Variants in NR1D2 observed in about 807,000 individuals in gnomAD.
NR1D2 encodes the protein V-erbA-related protein 1-related.
NR1D2 carries 25 observed loss-of-function variants against 52.2 expected under a neutral mutation model. The observed-to-expected ratio is 0.48, with a 90% CI of 0.35 to 0.67. NR1D2 has a LOEUF of 0.67. Ranked by LOEUF, NR1D2 falls within the 30% of genes least tolerant of loss-of-function variation. The pLI, the probability that NR1D2 is intolerant of heterozygous loss-of-function variation, is 0.01. For synonymous variants in NR1D2, 259 were observed against 230.1 expected (o/e 1.13, Z -1.14); for missense variants, 681 against 707.2 (o/e 0.96, Z 0.42).
At chr3:23,947,542 C>T (rs1303274460) in intron 1 of NR1D2, among the ~76,000 whole-genome samples, 2 of 152,178 alleles carry the variant, frequency 1.3e-5, no homozygotes, top group Non-Finnish European at 2.9e-5. Flanking sequence ...GTCTTGAATC[C>T]TGTTGCAAAT....
intron 1 of NR1D2, chr3:23,946,284 CA>C (rs1705704867): frequency 1.0e-6 from 1 of 985,404 alleles, no homozygotes; most frequent in African/African-American, 1.7e-5. Flanking sequence ...CCGCGCAAAC[CA>C]AACGAACCGG....
In NR1D2 at chr3:23,980,013, T is replaced by C. The variant is rs1218293863; in HGVS notation, c.*2594T>C. The C allele has an allele frequency of 2.0e-5, 3 of 152,088 alleles. No individual in the cohort carries two copies. In the East Asian group the frequency reaches 5.8e-4, roughly 29 times the overall value. The allele number at this position is 152,088 out of a possible 1,614,324, so 9.4% of individuals were successfully genotyped here. ...TGATCTGAGAGAGGATTCAAGTTGA[T>C]AGAAATAGCTGAGGGGAAAAGGGGG... On this transcript the variant is annotated 3_prime_UTR_variant, in exon 8 of 8. Transcript: ENST00000312521.
chr3:23,955,639 A>C (rs1275047583), intron 2 of NR1D2, among the ~76,000 whole-genome samples: 2 of 152,020 alleles, frequency 1.3e-5, no homozygotes, highest in Non-Finnish European at 2.9e-5. Flanking sequence ...GCAACATGGC[A>C]AAACCCCATC....
At chr3:23,966,741 G>T (rs913394634) in intron 6 of NR1D2, among the ~76,000 whole-genome samples, 1 of 152,170 alleles carries the variant, frequency 6.6e-6, no homozygotes, top group African/African-American at 2.4e-5. Flanking sequence ...TAAGAAAGTG[G>T]TTTTGGGACC....
At chr3:23,955,926 G>A in intron 2 of NR1D2, 111 bp from the exon 3 acceptor site, 4 of 663,448 alleles carry the variant, frequency 6.0e-6, no homozygotes, top group Non-Finnish European at 1.1e-5. Flanking sequence ...GAAAGTAGAT[G>A]TGTATCTTCT....
rs994319493 is a variant in NR1D2 at position 23,978,461 on chromosome 3, G to A, written c.*1042G>A. The A allele has an allele frequency of 6.7e-6, 1 of 149,056 alleles. No individual in the cohort carries two copies. The highest frequency in any genetic ancestry group is 2.5e-5 in the African/African-American group (1 of 39,734). 9.2% of individuals were successfully genotyped at this position (149,056 alleles called of 1,614,324 possible). Reference sequence around the variant, plus strand: ...AACACTTAATGTAAAAGTGCAACAGGCAATTGAATCCAAATTTCAACGACA... The same window carrying A: ...AACACTTAATGTAAAAGTGCAACAGACAATTGAATCCAAATTTCAACGACA... On this transcript the variant is annotated 3_prime_UTR_variant, in exon 8 of 8. Coordinates refer to ENST00000312521, the MANE Select transcript of NR1D2 (RefSeq NM_005126.5).
Position 23,953,342 on chromosome 3 carries a change from CAAAAAAAAAAAAAAAAAAAA to C in NR1D2, c.17-1185_17-1166del, listed in dbSNP as rs55698030. 2.3e-4 allele frequency among the ~76,000 whole-genome samples: 12 copies of C among 52,458 alleles called. 2 individuals carry two copies. The East Asian group carries it at 7.1e-3, about 31-fold the overall frequency. The allele number at this position is 52,458 out of a possible 152,430, so 34.4% of individuals were successfully genotyped here. A position where few individuals can be genotyped will look rare whatever the true frequency, so the allele number is the denominator to read the frequency against. On this transcript the variant is annotated intron_variant, in intron 1 of 7. Coordinates refer to ENST00000312521, the MANE Select transcript of NR1D2 (RefSeq NM_005126.5). ...TGGGTGACAGAGTGAGACTCTGTCT[CAAAAAAAAAAAAAAAAAAAA>C]AAAAAAAAATGCCAGTTTTCAGAAG...
In NR1D2 at chr3:23,977,477, A is replaced by G. The variant is rs1417569013; in HGVS notation, c.*58A>G. On this transcript the variant is annotated 3_prime_UTR_variant, in exon 8 of 8. Transcript: ENST00000312521. The stretch of plus-strand genomic sequence containing the variant: ...AACTGTACATTTTGTGCTAAAATGC[A>G]TATTTATATGTGTATACCATATGTG... 3 of 1,178,470 alleles carry G rather than the reference A, an allele frequency of 2.5e-6. No individual in the cohort carries two copies. The highest frequency in any genetic ancestry group is 3.1e-5 in the African/African-American group (2 of 64,952). The allele number at this position is 1,178,470 out of a possible 1,614,324, so 73.0% of individuals were successfully genotyped here. A position where few individuals can be genotyped will look rare whatever the true frequency, so the allele number is the denominator to read the frequency against.
At chr3:23,947,179 G>A (rs1026825955) in intron 1 of NR1D2, among the ~76,000 whole-genome samples, 3 of 152,150 alleles carry the variant, frequency 2.0e-5, no homozygotes, top group Non-Finnish European at 4.4e-5. Flanking sequence ...GGTGATCAGG[G>A]TGAACCTCTT....
intron 6 of NR1D2, among the ~76,000 whole-genome samples, chr3:23,965,818 G>A (rs1005663514): frequency 1.4e-4 from 22 of 152,174 alleles, no homozygotes; most frequent in African/African-American, 5.3e-4. Context: ...TGAAAGCCTA[G>A]CCTAGCATTT....
At chr3:23,971,470 T>G (rs752186873) in intron 7 of NR1D2, among the ~76,000 whole-genome samples, 11 of 151,916 alleles carry the variant, frequency 7.2e-5, no homozygotes, top group Admixed American at 3.3e-4. Context: ...GGTTTCGTCG[T>G]GTTGGCCGGG....
rs1706824196 is a variant in NR1D2, at chr3:23,979,660, T to C, written c.*2241T>C. The C allele has an allele frequency of 6.6e-6, 1 of 152,114 alleles. No individual in the cohort carries two copies. Among genetic ancestry groups the C allele is most frequent in the African/African-American group, 2.4e-5 (1 of 41,458 alleles). 9.4% of individuals were successfully genotyped at this position (152,114 alleles called of 1,614,324 possible). On this transcript the variant is annotated 3_prime_UTR_variant, in exon 8 of 8. Coordinates refer to ENST00000312521, the MANE Select transcript of NR1D2 (RefSeq NM_005126.5). ...AATGGGAAACAAAATTAATAGTTCA[T>C]ATGTCACTCATAGCATTTCTATATT... is the stretch of plus-strand genomic sequence containing the variant.
chr3:23,956,890 G>A (rs920494002), intron 3 of NR1D2, among the ~76,000 whole-genome samples: 4 of 152,068 alleles, frequency 2.6e-5, no homozygotes, highest in African/African-American at 9.7e-5. Flanking sequence ...CAAGAATCTA[G>A]TTTGGCGAGA....
intron 7 of NR1D2, among the ~76,000 whole-genome samples, 163 bp from the exon 8 acceptor site, chr3:23,977,060 T>G (rs1330336869): frequency 6.6e-6 from 1 of 152,230 alleles, no homozygotes; most frequent in Non-Finnish European, 1.5e-5. Flanking sequence ...GCTAACGATT[T>G]GTTACTGAGA....
chr3:23,960,438 C>T (rs973252584), intron 4 of NR1D2, among the ~76,000 whole-genome samples: 1 of 152,154 alleles, frequency 6.6e-6, no homozygotes, highest in African/African-American at 2.4e-5. Context: ...TCAAGTGATT[C>T]TCCTGCCTCA....
rs1256044498 is a variant in NR1D2 at position 23,978,840 on chromosome 3, C to G, written c.*1421C>G. 3 of 151,876 alleles carry G rather than the reference C, an allele frequency of 2.0e-5. No homozygotes were observed. The highest frequency in any genetic ancestry group is 4.4e-5 in the Non-Finnish European group (3 of 67,942). The allele number at this position is 151,876 out of a possible 1,614,324, so 9.4% of individuals were successfully genotyped here. ...CCTACAGGCTTAGAAATGGTATAGTCAAAGACATTTTATCCACATTTCTAA... is the reference window on the plus strand; with the variant it reads ...CCTACAGGCTTAGAAATGGTATAGTGAAAGACATTTTATCCACATTTCTAA... On this transcript the variant is annotated 3_prime_UTR_variant, in exon 8 of 8. Transcript: ENST00000312521.
chr3:23,963,517 T>G (rs1162785149), intron 5 of NR1D2: 2 of 448,812 alleles, frequency 4.5e-6, no homozygotes, highest in African/African-American at 4.3e-5. Flanking sequence ...TGGCGCGACC[T>G]CAGCTCATTG....
At chr3:23,963,821 G>A (rs1244270118) in intron 5 of NR1D2, among the ~76,000 whole-genome samples, 5 of 151,388 alleles carry the variant, frequency 3.3e-5, no homozygotes, top group Non-Finnish European at 7.4e-5. Flanking sequence ...CTATGGTTTT[G>A]TAATCATCCC....
chr3:23,974,333 A>G, intron 7 of NR1D2, among the ~76,000 whole-genome samples: 1 of 152,184 alleles, frequency 6.6e-6, no homozygotes, highest in East Asian at 1.9e-4. Context: ...CAGCATCACT[A>G]TAAACGTGTT....
Sources: gnomAD v4.1 joint callset for allele counts (sites outside exome capture counted in the v4.1 genomes callset) on GRCh38, gnomAD v4.1.1 for gene constraint, MANE v1.5 for transcripts, NCBI Gene and HGNC (gene_info 2026-07-23, HGNC 2026-07-21) for gene names.